GLCE: variants seen among roughly 807,000 people sequenced by gnomAD.
GLCE encodes glucuronic acid epimerase.
A neutral mutation model predicts 47.9 loss-of-function variants in GLCE; 19 were observed. The ratio of observed to expected loss-of-function variants is 0.40; its 90% CI spans 0.28 to 0.58. The LOEUF (loss-of-function observed/expected upper bound fraction) is 0.58. GLCE is among the 20% of genes least tolerant of loss of function. GLCE has a pLI of 0.48. For missense variants in GLCE, 556 were observed against 743.3 expected, an observed-to-expected ratio of 0.75 and a Z score of 2.93; for synonymous variants, 245 against 263.4, an observed-to-expected ratio of 0.93 and a Z score of 0.68.
In GLCE at chr15:69,250,713, A is replaced by C. The variant is rs116765126; in HGVS notation, c.-13-5081A>C. Among the ~76,000 whole-genome samples the C allele has an allele frequency of 6.3e-3, 956 of 151,216 alleles. 10 individuals carry two copies. The highest frequency in any genetic ancestry group is 0.022 in the African/African-American group (914 of 41,142). ...AACTTAATGTGGACACCCGATCGGC[A>C]TAGCACCCTATAGCCCAGAACTCCT... On this transcript the variant is annotated intron_variant, in intron 2 of 4. Transcript: ENST00000261858.
chr15:69,260,193 A>T (rs1350053442), intron 3 of GLCE, among the ~76,000 whole-genome samples: 1 of 152,038 alleles, frequency 6.6e-6, no homozygotes, highest in Non-Finnish European at 1.5e-5. Flanking sequence ...TTTTAACAGG[A>T]AAGATATGAA....
chr15:69,199,236 A>G (rs1368638226), intron 1 of GLCE, among the ~76,000 whole-genome samples: 1 of 152,186 alleles, frequency 6.6e-6, no homozygotes, highest in African/African-American at 2.4e-5. Flanking sequence ...AAAACCAGGA[A>G]TGCTATTCAA....
intron 2 of GLCE, among the ~76,000 whole-genome samples, chr15:69,220,352 T>G (rs2052363171): frequency 6.6e-6 from 1 of 152,176 alleles, no homozygotes; most frequent in Non-Finnish European, 1.5e-5. Context: ...AATTTATTTT[T>G]CTTTCTTTTA....
intron 1 of GLCE, among the ~76,000 whole-genome samples, chr15:69,173,462 A>G (rs566010330): frequency 6.6e-6 from 1 of 152,354 alleles, no homozygotes; most frequent in East Asian, 1.9e-4. Flanking sequence ...TATCTTTTGC[A>G]TTGCAGTCTG....
chr15:69,197,261 ACTT>A (rs2140359055), intron 1 of GLCE: 1 of 371,330 alleles, frequency 2.7e-6, no homozygotes, highest in African/African-American at 2.1e-5. Context: ...ACTGACTACC[ACTT>A]CTTCAAGCAT....
In GLCE at chr15:69,269,470, T is replaced by C. The variant is rs2053135171; in HGVS notation, c.*226T>C. On this transcript the variant is annotated 3_prime_UTR_variant, in exon 5 of 5. Coordinates refer to ENST00000261858, the MANE Select transcript of GLCE (RefSeq NM_015554.3). ...AGAACACAATGTTTAATCAATGGGC[T>C]GAACAAAGATGCTTCACTTTGCCTT... The C allele has an allele frequency of 1.8e-6, 1 of 545,508 alleles. No individual in the cohort carries two copies. The highest frequency in any genetic ancestry group is 1.9e-5 in the African/African-American group (1 of 52,988). The allele number at this position is 545,508 out of a possible 1,614,324, so 33.8% of individuals were successfully genotyped here.
rs141261477 is a variant in GLCE at position 69,191,501 on chromosome 15, G to A, written c.-104-18815G>A. Among the ~76,000 whole-genome samples the A allele has an allele frequency of 1.2e-3, 190 of 152,244 alleles. 1 individual carries two copies. Among genetic ancestry groups the A allele is most frequent in the African/African-American group, 4.4e-3 (182 of 41,552 alleles). On this transcript the variant is annotated intron_variant, in intron 1 of 4. Coordinates refer to ENST00000261858, the MANE Select transcript of GLCE (RefSeq NM_015554.3). ...ACAAGCTTACACGAATCTTCTCCCA[G>A]TGGAATCATGCAGGATACATTTAAT...
intron 1 of GLCE, among the ~76,000 whole-genome samples, chr15:69,165,486 A>G (rs2051488047): frequency 6.9e-6 from 1 of 145,236 alleles, no homozygotes; most frequent in African/African-American, 2.5e-5. Flanking sequence ...TTTTTAAGAT[A>G]CAACGTAAGC....
intron 4 of GLCE, among the ~76,000 whole-genome samples, chr15:69,265,687 C>A (rs1339166084): frequency 6.6e-6 from 1 of 152,164 alleles, no homozygotes; most frequent in Non-Finnish European, 1.5e-5. Flanking sequence ...TAAACCATGT[C>A]ATTTCATTAA....
At chr15:69,185,343 C>G (rs1469897527) in intron 1 of GLCE, among the ~76,000 whole-genome samples, 1 of 152,188 alleles carries the variant, frequency 6.6e-6, no homozygotes, top group Non-Finnish European at 1.5e-5. Context: ...TAACCTCTTT[C>G]AACCTCCAGT....
At chr15:69,180,258 A>G (rs1021703772) in intron 1 of GLCE, among the ~76,000 whole-genome samples, 17 of 152,196 alleles carry the variant, frequency 1.1e-4, no homozygotes, top group African/African-American at 3.4e-4. Flanking sequence ...AAGGAGGGCT[A>G]TGATTTTATT....
At chr15:69,245,405 A>T (rs1448585071) in intron 2 of GLCE, among the ~76,000 whole-genome samples, 1 of 151,614 alleles carries the variant, frequency 6.6e-6, no homozygotes, top group Non-Finnish European at 1.5e-5. Flanking sequence ...GTTAGAGATT[A>T]TCTGAGCCTT....
At chr15:69,230,312 G>A (rs1243177416) in intron 2 of GLCE, among the ~76,000 whole-genome samples, 1 of 151,984 alleles carries the variant, frequency 6.6e-6, no homozygotes, top group Non-Finnish European at 1.5e-5. Context: ...ATCAGATAAA[G>A]TAGATTTTAG....
chr15:69,232,198 A>G (rs1379179746), intron 2 of GLCE, among the ~76,000 whole-genome samples: 2 of 152,248 alleles, frequency 1.3e-5, no homozygotes, highest in Non-Finnish European at 2.9e-5. Flanking sequence ...TTGAGAATGG[A>G]CAACTTCCTG....
rs576095254 is a variant in GLCE, at chr15:69,241,767, G to A, written c.-13-14027G>A. Among the ~76,000 whole-genome samples, 37 of 152,274 alleles carry A rather than the reference G, an allele frequency of 2.4e-4. No homozygotes were observed. The South Asian group carries it at 7.7e-3, about 32-fold the overall frequency. On this transcript the variant is annotated intron_variant, in intron 2 of 4. Transcript: ENST00000261858. ...TAGATTTAGTAAATCAGAAACTGTG[G>A]GGTTTGTGAACAGCAATCTGTGTTT...
intron 2 of GLCE, among the ~76,000 whole-genome samples, chr15:69,246,144 T>G (rs1166360270): frequency 1.3e-5 from 2 of 152,214 alleles, no homozygotes; most frequent in African/African-American, 4.8e-5. Context: ...CAGACTCTAC[T>G]TCTAATTCTG....
At chr15:69,169,178 C>G (rs1226086324) in intron 1 of GLCE, among the ~76,000 whole-genome samples, 1 of 152,082 alleles carries the variant, frequency 6.6e-6, no homozygotes, top group African/African-American at 2.4e-5. Flanking sequence ...AGTAGTAATT[C>G]TTTTTCATTG....
chr15:69,175,848 C>T (rs1185062125), intron 1 of GLCE, among the ~76,000 whole-genome samples: 1 of 152,122 alleles, frequency 6.6e-6, no homozygotes, highest in Non-Finnish European at 1.5e-5. Flanking sequence ...TGCTATTTTC[C>T]AGTTATTTTA....
At chr15:69,169,019 A>T (rs1207346796) in intron 1 of GLCE, among the ~76,000 whole-genome samples, 1 of 152,222 alleles carries the variant, frequency 6.6e-6, no homozygotes, top group Non-Finnish European at 1.5e-5. Flanking sequence ...GTCATTGCTT[A>T]ACGAAAGTTA....
Sources: allele counts gnomAD v4.1 joint callset (sites outside exome capture counted in the v4.1 genomes callset), GRCh38; gene constraint gnomAD v4.1.1; transcripts MANE v1.5; gene names NCBI Gene and HGNC (gene_info 2026-07-23, HGNC 2026-07-21).